Variants in ANO6 observed in about 807,000 individuals in gnomAD.
ANO6 encodes the protein anoctamin 6.
Under a neutral mutation model 117.5 loss-of-function variants are expected in ANO6, and 106 were observed. The ratio of observed to expected loss-of-function variants is 0.90; its 90% CI spans 0.77 to 1.06. The LOEUF (loss-of-function observed/expected upper bound fraction) is 1.06, where lower values mean the gene tolerates loss of function less well. Among genes scored for constraint, ANO6 ranks in the 50% least tolerant of loss-of-function variants. The probability of loss-of-function intolerance (pLI) is 0.00; values close to 1 mark genes in which losing one functional copy is unlikely to be tolerated. For synonymous variants in ANO6, 367 were observed against 385.1 expected, an observed-to-expected ratio of 0.95 and a Z score of 0.55; for missense variants, 955 against 1,121.1, an observed-to-expected ratio of 0.85 and a Z score of 2.12.
intron 2 of ANO6, among the ~76,000 whole-genome samples, chr12:45,310,710 A>T (rs1307851970): frequency 6.6e-6 from 1 of 152,208 alleles, no homozygotes; most frequent in South Asian, 2.1e-4. Flanking sequence ...TAACCAGGGT[A>T]TTAAAAGAGC....
intron 1 of ANO6, 126 bp downstream of exon 1, chr12:45,216,517 C>T (rs1189594365): frequency 4.6e-6 from 5 of 1,097,288 alleles, no homozygotes; most frequent in African/African-American, 1.6e-5. Flanking sequence ...CCGCTCCGGG[C>T]AGGGGAGGAA....
intron 1 of ANO6, among the ~76,000 whole-genome samples, chr12:45,220,132 T>C (rs1947374472): frequency 6.6e-6 from 1 of 152,202 alleles, no homozygotes; most frequent in Admixed American, 6.5e-5. Flanking sequence ...GTTTCTTCAA[T>C]TCTGTTCTCT....
At chr12:45,370,247 C>G (rs953495184) in intron 9 of ANO6, among the ~76,000 whole-genome samples, 3 of 152,222 alleles carry the variant, frequency 2.0e-5, no homozygotes, top group Non-Finnish European at 4.4e-5. Context: ...AGTCAGCCAT[C>G]TTATTCTTTC....
At chr12:45,413,785 G>C (rs1943147005) in intron 16 of ANO6, among the ~76,000 whole-genome samples, 1 of 148,590 alleles carries the variant, frequency 6.7e-6, no homozygotes, top group Non-Finnish European at 1.5e-5. Context: ...GAAAGGAAGA[G>C]CCAGCACCTA....
chr12:45,370,945 G>A (rs918939771), intron 9 of ANO6, among the ~76,000 whole-genome samples: 37 of 152,306 alleles, frequency 2.4e-4, no homozygotes, highest in Admixed American at 1.3e-3. Context: ...TCCATCTGAG[G>A]TACCGGGCTC....
downstream of ANO6, among the ~76,000 whole-genome samples, chr12:45,436,391 C>A (rs1943707122): frequency 1.3e-5 from 2 of 152,124 alleles, no homozygotes; most frequent in South Asian, 4.1e-4. Flanking sequence ...TTTGGCTGAT[C>A]TTTATTTCCA....
chr12:45,250,288 C>T (rs765236515), intron 1 of ANO6, among the ~76,000 whole-genome samples: 1 of 152,164 alleles, frequency 6.6e-6, no homozygotes, highest in Admixed American at 6.5e-5. Flanking sequence ...AAACTTGGAT[C>T]AGAAGTTTTA....
intron 8 of ANO6, among the ~76,000 whole-genome samples, chr12:45,358,779 C>G (rs978425523): frequency 4.6e-5 from 7 of 150,872 alleles, no homozygotes; most frequent in African/African-American, 1.7e-4. Flanking sequence ...AGCTTATGTC[C>G]CTCCTTTTTT....
chr12:45,300,067 G>A (rs1939430103), intron 1 of ANO6, among the ~76,000 whole-genome samples: 1 of 152,094 alleles, frequency 6.6e-6, no homozygotes, highest in Non-Finnish European at 1.5e-5. Context: ...AGATCAATAG[G>A]AACCCAGCCT....
chr12:45,297,184 A>G (rs763580325), intron 1 of ANO6, among the ~76,000 whole-genome samples: 1 of 152,090 alleles, frequency 6.6e-6, no homozygotes, highest in African/African-American at 2.4e-5. Context: ...CTCTCTCTCT[A>G]TATATTCACT....
chr12:45,395,645 G>T (rs562928130), intron 12 of ANO6, among the ~76,000 whole-genome samples: 1 of 152,158 alleles, frequency 6.6e-6, no homozygotes, highest in Non-Finnish European at 1.5e-5. Context: ...TATCCAACAC[G>T]ATCAAGTAGG....
intron 2 of ANO6, among the ~76,000 whole-genome samples, chr12:45,308,158 T>C (rs1314652494): frequency 4.1e-5 from 6 of 148,132 alleles, no homozygotes; most frequent in East Asian, 2.1e-4. Flanking sequence ...AATTACTGTT[T>C]GTCAGGTAGT....
intron 19 of ANO6, among the ~76,000 whole-genome samples, chr12:45,425,190 T>C (rs372025922): frequency 9.9e-5 from 15 of 152,056 alleles, no homozygotes; most frequent in East Asian, 5.8e-4. Context: ...GAAAAAAACA[T>C]GGATTAAACA....
chr12:45,406,600 A>G (rs1206084515), intron 15 of ANO6, among the ~76,000 whole-genome samples: 1 of 152,150 alleles, frequency 6.6e-6, no homozygotes, highest in Non-Finnish European at 1.5e-5. Flanking sequence ...ATATAATAAG[A>G]AAAAAGAACT....
chr12:45,372,966 C>G (rs1392110786), intron 9 of ANO6, among the ~76,000 whole-genome samples: 1 of 152,142 alleles, frequency 6.6e-6, no homozygotes, highest in Non-Finnish European at 1.5e-5. Flanking sequence ...TCAGGAAACC[C>G]ATCTCATGTG....
chr12:45,220,986 A>G (rs958122468), intron 1 of ANO6, among the ~76,000 whole-genome samples: 1 of 152,114 alleles, frequency 6.6e-6, no homozygotes, highest in East Asian at 1.9e-4. Flanking sequence ...GGGTGTTGCA[A>G]GAACCTCAAT....
At chr12:45,392,698 G>A (rs1942487674) in intron 12 of ANO6, among the ~76,000 whole-genome samples, 1 of 152,202 alleles carries the variant, frequency 6.6e-6, no homozygotes, top group Non-Finnish European at 1.5e-5. Flanking sequence ...CTCCGCTGGT[G>A]ATACCCAGGC....
chr12:45,359,776 A>G (rs1370238329), intron 8 of ANO6, among the ~76,000 whole-genome samples: 2 of 152,248 alleles, frequency 1.3e-5, no homozygotes, highest in South Asian at 4.1e-4. Context: ...GTGCAGACAC[A>G]TGGTTTCACA....
chr12:45,282,686 A>C (rs1938780854), intron 1 of ANO6, among the ~76,000 whole-genome samples: 1 of 152,202 alleles, frequency 6.6e-6, no homozygotes, highest in Non-Finnish European at 1.5e-5. Context: ...ATAATGCAAT[A>C]GGTGCAGTGG....
Sources: allele counts gnomAD v4.1 joint callset (sites outside exome capture counted in the v4.1 genomes callset), GRCh38; gene constraint gnomAD v4.1.1; transcripts MANE v1.5; gene names NCBI Gene and HGNC (gene_info 2026-07-23, HGNC 2026-07-21).